The following COL4A3 variants were observed in gnomAD, a reference collection of about 807,000 sequenced individuals.
COL4A3 encodes collagen alpha-3(IV) chain.
Under a neutral mutation model 217.4 loss-of-function variants are expected in COL4A3, and 135 were observed. The ratio of observed to expected loss-of-function variants is 0.62; its 90% CI spans 0.54 to 0.72. COL4A3 has a LOEUF of 0.72. Among genes scored for constraint, COL4A3 ranks in the 30% least tolerant of loss-of-function variants. The probability of loss-of-function intolerance (pLI) is 0.00; values close to 1 mark genes in which losing one functional copy is unlikely to be tolerated. For missense variants in COL4A3, 1,868 were observed against 2,119.9 expected, an observed-to-expected ratio of 0.88 and a Z score of 2.33; for synonymous variants, 690 against 736.3, an observed-to-expected ratio of 0.94 and a Z score of 1.02.
chr2:227,255,923 T>C (rs958576494), intron 15 of COL4A3, 103 bp from the exon 16 acceptor site: 12 of 1,168,528 alleles, frequency 1.0e-5, no homozygotes, highest in East Asian at 4.9e-5. Flanking sequence ...AGGCTTTTCA[T>C]GCCTGAGGTC....
chr2:227,291,057 G>A, intron 37 of COL4A3, 171 bp downstream of exon 37: 1 of 738,566 alleles, frequency 1.4e-6, no homozygotes. Flanking sequence ...ATGCTTGTCT[G>A]TCACAGAGCT....
At chr2:227,216,086 T>C (rs2067518240) in intron 1 of COL4A3, among the ~76,000 whole-genome samples, 1 of 151,626 alleles carries the variant, frequency 6.6e-6, no homozygotes, top group South Asian at 2.1e-4. Context: ...GAGGAGAGAA[T>C]GAGAGATTGC....
chr2:227,172,124 G>A (rs527455380), intron 1 of COL4A3, among the ~76,000 whole-genome samples: 1 of 152,182 alleles, frequency 6.6e-6, no homozygotes, highest in Non-Finnish European at 1.5e-5. Context: ...CTCTTAATGT[G>A]CATGCTTGAG....
At chr2:227,235,741 C>T (rs965676716) in intron 1 of COL4A3, among the ~76,000 whole-genome samples, 49 of 150,622 alleles carry the variant, frequency 3.3e-4, no homozygotes, top group Admixed American at 1.9e-3. Context: ...CCAATTCCAT[C>T]CAGGTTGCTG....
At chr2:227,229,023 A>T (rs12612156) in intron 1 of COL4A3, among the ~76,000 whole-genome samples, 14,357 of 152,234 alleles carry the variant, frequency 0.094, 716 homozygotes, top group Admixed American at 0.15. Context: ...GACACCTGAG[A>T]CTGCCTAGAC....
Position 227,290,769 on chromosome 2 carries a change from T to G in COL4A3, c.3093T>G (p.Thr1031=), listed in dbSNP as rs2072645684. 3 of 1,613,504 alleles carry G rather than the reference T, an allele frequency of 1.9e-6. No homozygotes were observed. Among genetic ancestry groups the G allele is most frequent in the Non-Finnish European group, 2.5e-6 (3 of 1,179,956 alleles). Residue 1031 remains threonine, a synonymous_variant, in exon 37 of 52, where the codon ACT becomes ACG. Coordinates refer to ENST00000396578, the MANE Select transcript of COL4A3 (RefSeq NM_000091.5). ...GMPGSKGKRG[T]LGFPGRAGRP... ...CAGGTTCTAAAGGAAAAAGGGGAAC[T>G]TTGGGATTCCCAGGTCGAGCAGGAA...
intron 1 of COL4A3, among the ~76,000 whole-genome samples, chr2:227,172,676 TC>T (rs963161998): frequency 2.1e-5 from 3 of 142,036 alleles, no homozygotes; most frequent in African/African-American, 7.8e-5. Context: ...AACCTCTGCC[TC>T]CTGGATTCAA....
At chr2:227,306,916 G>A (rs2073528200) in intron 47 of COL4A3, among the ~76,000 whole-genome samples, 1 of 152,030 alleles carries the variant, frequency 6.6e-6, no homozygotes, top group Non-Finnish European at 1.5e-5. Context: ...ATGGGAGTGA[G>A]GAAGTGGTAG....
intron 1 of COL4A3, among the ~76,000 whole-genome samples, chr2:227,182,404 G>A (rs6738950): frequency 0.17 from 25,894 of 152,114 alleles, 2,382 homozygotes; most frequent in Admixed American, 0.25. Context: ...AGAATTTTGA[G>A]TCAGTGCATC....
At chr2:227,174,930 G>T (rs2065624074) in intron 1 of COL4A3, among the ~76,000 whole-genome samples, 1 of 152,232 alleles carries the variant, frequency 6.6e-6, no homozygotes, top group Non-Finnish European at 1.5e-5. Flanking sequence ...AGCCATGATG[G>T]AGTTAGAAGG....
At chr2:227,257,436 C>G (rs56239691) in intron 17 of COL4A3, among the ~76,000 whole-genome samples, 167 bp from the exon 18 acceptor site, 1 of 152,180 alleles carries the variant, frequency 6.6e-6, no homozygotes, top group African/African-American at 2.4e-5. Context: ...CCCAGATACG[C>G]GCTCTCCAGG....
chr2:227,227,276 T>C (rs1410079421), intron 1 of COL4A3, among the ~76,000 whole-genome samples: 1 of 152,176 alleles, frequency 6.6e-6, no homozygotes, highest in Non-Finnish European at 1.5e-5. Flanking sequence ...CCTCCCCCAG[T>C]GCCTTGTGGC....
At chr2:227,243,405 G>GA (rs200667619) in intron 3 of COL4A3, among the ~76,000 whole-genome samples, 1 of 152,296 alleles carries the variant, frequency 6.6e-6, no homozygotes, top group East Asian at 1.9e-4. Flanking sequence ...TTTTCTGCAT[G>GA]AAAAAAGTTT....
intron 1 of COL4A3, among the ~76,000 whole-genome samples, chr2:227,174,634 G>T (rs2065610253): frequency 6.6e-6 from 1 of 152,018 alleles, no homozygotes. Flanking sequence ...AGCCTCCCGA[G>T]TAGCTGGGAT....
chr2:227,226,143 A>T (rs1039589814), intron 1 of COL4A3, among the ~76,000 whole-genome samples: 6 of 152,232 alleles, frequency 3.9e-5, no homozygotes, highest in Admixed American at 2.0e-4. Flanking sequence ...TTGTGTTTGG[A>T]GGTGGCCATT....
intron 1 of COL4A3, among the ~76,000 whole-genome samples, chr2:227,166,256 A>G (rs1340065222): frequency 1.3e-5 from 2 of 152,262 alleles, no homozygotes. Context: ...CACTTTGCAT[A>G]CATTAGGAAT....
chr2:227,177,329 G>A (rs550470421), intron 1 of COL4A3, among the ~76,000 whole-genome samples: 47 of 149,976 alleles, frequency 3.1e-4, no homozygotes, highest in Admixed American at 1.9e-3. Flanking sequence ...TTTTTTTTTC[G>A]TATTTTTAAT....
Position 227,290,727 on chromosome 2 carries a change from T to G in COL4A3, c.3071-20T>G, listed in dbSNP as rs781481301. ...CCTCATGTTTATCTATTTTACTCTA[T>G]GTTTTCCCCCTAATTTCAGGTTCTA... On this transcript the variant is annotated intron_variant, in intron 36 of 51. Transcript: ENST00000396578. The G allele has an allele frequency of 6.2e-7, 1 of 1,611,566 alleles. No individual in the cohort carries two copies. Among genetic ancestry groups the G allele is most frequent in the African/African-American group, 1.3e-5 (1 of 74,864 alleles).
intron 38 of COL4A3, chr2:227,294,143 C>T (rs1435139316): frequency 1.6e-5 from 5 of 303,674 alleles, no homozygotes; most frequent in Non-Finnish European, 3.2e-5. Context: ...AACTGTGAAA[C>T]TATCGGGTTG....
Sources: allele counts gnomAD v4.1 joint callset (sites outside exome capture counted in the v4.1 genomes callset), GRCh38; gene constraint gnomAD v4.1.1; transcripts MANE v1.5; gene names NCBI Gene and HGNC (gene_info 2026-07-23, HGNC 2026-07-21).